Variants in SPAG16 observed in about 807,000 individuals in gnomAD.
SPAG16 encodes sperm associated antigen 16.
A neutral mutation model predicts 80.4 loss-of-function variants in SPAG16; 86 were observed. The observed-to-expected ratio is 1.07, with a 90% CI of 0.90 to 1.28. The LOEUF is 1.28. Ranked by LOEUF, SPAG16 falls within the 50% of genes most tolerant of loss-of-function variation. The probability of loss-of-function intolerance (pLI) is 0.00; values close to 1 mark genes in which losing one functional copy is unlikely to be tolerated. For missense variants in SPAG16, 870 were observed against 765.3 expected (o/e 1.14, Z -1.61); for synonymous variants, 294 against 265.9 (o/e 1.11, Z -1.03).
At chr2:213,304,180 C>T (rs1047186507) in intron 3 of SPAG16, among the ~76,000 whole-genome samples, 1 of 152,056 alleles carries the variant, frequency 6.6e-6, no homozygotes, top group Middle Eastern at 3.2e-3. Context: ...ATTTGTATAT[C>T]TTCTTTTGAG....
intron 10 of SPAG16, among the ~76,000 whole-genome samples, chr2:213,792,576 C>CTTTTTTTT (rs11372174): frequency 2.6e-5 from 2 of 78,258 alleles, no homozygotes; most frequent in African/African-American, 4.9e-5. Context: ...AAATGAGTAT[C>CTTTTTTTT]TTTTTTTTTT....
At chr2:214,099,449 A>G (rs2052839979) in intron 13 of SPAG16, among the ~76,000 whole-genome samples, 1 of 152,122 alleles carries the variant, frequency 6.6e-6, no homozygotes, top group Non-Finnish European at 1.5e-5. Flanking sequence ...GTTTATACGA[A>G]TAAGAGATAG....
chr2:214,175,085 G>T (rs531732295), intron 15 of SPAG16, among the ~76,000 whole-genome samples: 2 of 151,400 alleles, frequency 1.3e-5, no homozygotes, highest in South Asian at 4.1e-4. Context: ...TTGGGTTGCA[G>T]TCAACAGAAA....
At chr2:213,846,731 C>G (rs1194502064) in intron 10 of SPAG16, among the ~76,000 whole-genome samples, 1 of 152,120 alleles carries the variant, frequency 6.6e-6, no homozygotes, top group Admixed American at 6.5e-5. Context: ...TTGTTACTCA[C>G]TGCTAGACTG....
intron 12 of SPAG16, among the ~76,000 whole-genome samples, chr2:214,004,087 T>G (rs952852650): frequency 6.6e-6 from 1 of 152,220 alleles, no homozygotes; most frequent in East Asian, 1.9e-4. Flanking sequence ...TTCAAGCTTC[T>G]GCCCATGCCT....
At chr2:214,193,281 C>A (rs2057718423) in intron 15 of SPAG16, among the ~76,000 whole-genome samples, 1 of 151,924 alleles carries the variant, frequency 6.6e-6, no homozygotes, top group South Asian at 2.1e-4. Context: ...AGAAAGGGAA[C>A]TGGGAGGAGC....
intron 12 of SPAG16, among the ~76,000 whole-genome samples, chr2:213,991,924 C>T (rs1451139015): frequency 6.6e-6 from 1 of 151,336 alleles, no homozygotes; most frequent in African/African-American, 2.4e-5. Flanking sequence ...GCACTGCTGT[C>T]ATGTAGTGGG....
chr2:214,129,708 A>C (rs1449113431), intron 14 of SPAG16, among the ~76,000 whole-genome samples: 1 of 152,154 alleles, frequency 6.6e-6, no homozygotes, highest in Non-Finnish European at 1.5e-5. Context: ...TTAATTTCTC[A>C]AGACTTTACT....
chr2:213,872,994 A>T (rs536657167), intron 11 of SPAG16, among the ~76,000 whole-genome samples: 1 of 152,132 alleles, frequency 6.6e-6, no homozygotes, highest in South Asian at 2.1e-4. Flanking sequence ...TATTTTCTTG[A>T]TGACATTTTT....
intron 12 of SPAG16, among the ~76,000 whole-genome samples, chr2:213,995,190 T>A (rs1436878066): frequency 2.6e-5 from 4 of 152,092 alleles, no homozygotes; most frequent in Non-Finnish European, 5.9e-5. Context: ...AGCCACTAAG[T>A]TTTAATGTGT....
At chr2:213,298,090 T>A (rs2062583323) in intron 3 of SPAG16, among the ~76,000 whole-genome samples, 1 of 152,166 alleles carries the variant, frequency 6.6e-6, no homozygotes, top group Admixed American at 6.5e-5. Flanking sequence ...ACCATATCAT[T>A]CTTTCCATAT....
intron 15 of SPAG16, among the ~76,000 whole-genome samples, chr2:214,215,149 A>G (rs1409330842): frequency 6.6e-6 from 1 of 152,110 alleles, no homozygotes; most frequent in East Asian, 1.9e-4. Context: ...GACAAGACTC[A>G]TAGATGACCC....
intron 10 of SPAG16, among the ~76,000 whole-genome samples, chr2:213,535,003 A>G (rs1360677235): frequency 6.6e-6 from 1 of 152,184 alleles, no homozygotes; most frequent in Non-Finnish European, 1.5e-5. Context: ...GTAAAGACAC[A>G]GAAAGAAGAC....
intron 15 of SPAG16, among the ~76,000 whole-genome samples, chr2:214,189,343 A>T (rs1261402422): frequency 6.6e-6 from 1 of 152,084 alleles, no homozygotes; most frequent in Non-Finnish European, 1.5e-5. Flanking sequence ...TAAAAAAAAA[A>T]TCACCAAAGC....
intron 10 of SPAG16, among the ~76,000 whole-genome samples, chr2:213,707,794 T>C (rs1164438992): frequency 1.1e-4 from 17 of 152,162 alleles, no homozygotes; most frequent in Non-Finnish European, 2.9e-5. Context: ...ATTACTTTTT[T>C]GTTAGCTTAT....
At chr2:213,957,790 T>C (rs2044224582) in intron 12 of SPAG16, among the ~76,000 whole-genome samples, 1 of 152,212 alleles carries the variant, frequency 6.6e-6, no homozygotes, top group African/African-American at 2.4e-5. Context: ...AGAGATTACA[T>C]TTAACATCCT....
intron 13 of SPAG16, among the ~76,000 whole-genome samples, chr2:214,107,146 A>G (rs2053426464): frequency 6.6e-6 from 1 of 152,056 alleles, no homozygotes; most frequent in Non-Finnish European, 1.5e-5. Context: ...AATTCCTACT[A>G]TTACTAACCC....
chr2:214,071,378 C>A (rs2050781036), intron 13 of SPAG16, among the ~76,000 whole-genome samples: 1 of 152,074 alleles, frequency 6.6e-6, no homozygotes, highest in Non-Finnish European at 1.5e-5. Flanking sequence ...GGCAGTCGGA[C>A]TTCTCCCTGG....
intron 11 of SPAG16, among the ~76,000 whole-genome samples, chr2:213,886,297 T>G (rs1330346909): frequency 2.0e-5 from 3 of 152,122 alleles, no homozygotes. Context: ...CGTTCTGGTT[T>G]CTATGTCCTG....
Sources: gnomAD v4.1 joint callset for allele counts (sites outside exome capture counted in the v4.1 genomes callset) on GRCh38, gnomAD v4.1.1 for gene constraint, MANE v1.5 for transcripts, NCBI Gene and HGNC (gene_info 2026-07-23, HGNC 2026-07-21) for gene names.